TLR6: variants seen among roughly 807,000 people sequenced by gnomAD.
The protein encoded by TLR6 is toll-like receptor 6.
TLR6 carries 9 observed loss-of-function variants against 16.1 expected under a neutral mutation model. The ratio of observed to expected loss-of-function variants is 0.56; its 90% CI spans 0.34 to 0.98. The LOEUF is 0.98. Among genes scored for constraint, TLR6 ranks in the 50% least tolerant of loss-of-function variants. The pLI is 0.02. For synonymous variants in TLR6, 340 were observed against 338.6 expected, an observed-to-expected ratio of 1.00 and a Z score of -0.04; for missense variants, 786 against 921.0, an observed-to-expected ratio of 0.85 and a Z score of 1.90.
intron 1 of TLR6, among the ~76,000 whole-genome samples, chr4:38,856,167 G>A (rs1033813914): frequency 1.3e-5 from 2 of 152,128 alleles, no homozygotes; most frequent in African/African-American, 4.8e-5. Flanking sequence ...GCTTGGTCCC[G>A]GCCACTTCCT....
chr4:38,846,229 T>C (rs150418638), intron 1 of TLR6, among the ~76,000 whole-genome samples: 1 of 152,106 alleles, frequency 6.6e-6, no homozygotes, highest in East Asian at 1.9e-4. Context: ...TCAAGAAGCA[T>C]GATACTGCAG....
chr4:38,863,220 T>C, the TLR6 span, among the ~76,000 whole-genome samples: 1 of 152,196 alleles, frequency 6.6e-6, no homozygotes, highest in East Asian at 1.9e-4. Context: ...CCTGAAATGT[T>C]TTCTTGCCTG....
chr4:38,850,555 C>T (rs1264186576), intron 1 of TLR6, among the ~76,000 whole-genome samples: 1 of 152,190 alleles, frequency 6.6e-6, no homozygotes, highest in African/African-American at 2.4e-5. Flanking sequence ...GATATCACCA[C>T]TGATCCCACA....
chr4:38,825,775 C>A (rs1727515865), exon 2 of TLR6: 1 of 152,190 alleles, frequency 6.6e-6, no homozygotes, highest in African/African-American at 2.4e-5. Flanking sequence ...CCCAGCTACT[C>A]TTCCATAGTC....
chr4:38,832,179 G>A (rs557495909), intron 1 of TLR6, among the ~76,000 whole-genome samples: 15 of 152,212 alleles, frequency 9.9e-5, no homozygotes, highest in Admixed American at 3.9e-4. Flanking sequence ...AAAATGAGCC[G>A]GAGAAGCATT....
At chr4:38,868,052 C>A in the TLR6 span, 1 of 423,572 alleles carries the variant, frequency 2.4e-6, no homozygotes. Flanking sequence ...TGGGTGCGGG[C>A]GTGTGAGTGT....
chr4:38,845,172 CTCTA>C (rs889746549), intron 1 of TLR6, among the ~76,000 whole-genome samples: 5 of 152,202 alleles, frequency 3.3e-5, no homozygotes, highest in Non-Finnish European at 5.9e-5. Context: ...TAAGTTATAT[CTCTA>C]TCTATCTATT....
At chr4:38,825,734 GT>G in exon 2 of TLR6, 1 of 152,312 alleles carries the variant, frequency 6.6e-6, no homozygotes, top group African/African-American at 2.4e-5. Context: ...AGGCTACCCT[GT>G]TGGCTGATAT....
chr4:38,843,058 C>T (rs1712356034), intron 1 of TLR6, among the ~76,000 whole-genome samples: 1 of 152,122 alleles, frequency 6.6e-6, no homozygotes. Flanking sequence ...CTAAAGCTGC[C>T]GTATGGAAGA....
chr4:38,860,778 T>C (rs1713177042), upstream of TLR6, among the ~76,000 whole-genome samples: 1 of 151,990 alleles, frequency 6.6e-6, no homozygotes, highest in Admixed American at 6.5e-5. Flanking sequence ...AAAATACAAA[T>C]TAACACAACC....
At chr4:38,827,613 A>G (rs1488763171) in exon 2 of TLR6, 1 of 1,614,096 alleles carries the variant, frequency 6.2e-7, no homozygotes, top group African/African-American at 1.3e-5. Context: ...GTCTGGGTCC[A>G]CTGGCACACC....
At chr4:38,866,480 A>G in the TLR6 span, among the ~76,000 whole-genome samples, 280 of 151,988 alleles carry the variant, frequency 1.8e-3, 1 homozygote, top group African/African-American at 6.2e-3. Flanking sequence ...ACGACAGAGC[A>G]AGACTCCATC....
At chr4:38,827,065 T>G in exon 2 of TLR6, 1 of 1,535,802 alleles carries the variant, frequency 6.5e-7, no homozygotes, top group South Asian at 1.3e-5. Flanking sequence ...TTTCTTAAGT[T>G]GAATTTCCTA....
intron 1 of TLR6, among the ~76,000 whole-genome samples, chr4:38,851,764 T>A (rs148580830): frequency 0.02 from 3,086 of 152,242 alleles, 49 homozygotes; most frequent in Non-Finnish European, 0.026. Context: ...TCCATGCTCA[T>A]GGATAGGAAG....
chr4:38,867,369 G>A, the TLR6 span, among the ~76,000 whole-genome samples: 5 of 152,298 alleles, frequency 3.3e-5, no homozygotes, highest in South Asian at 4.2e-4. Context: ...GTGGGTTTTC[G>A]TTGTTTGTTT....
the TLR6 span, among the ~76,000 whole-genome samples, chr4:38,862,781 G>C: frequency 1.3e-5 from 2 of 151,040 alleles, no homozygotes; most frequent in Non-Finnish European, 2.9e-5. Flanking sequence ...ATTTTTAGTA[G>C]AGACAGGGTT....
intron 1 of TLR6, among the ~76,000 whole-genome samples, chr4:38,842,383 T>C (rs1712312932): frequency 6.6e-6 from 1 of 152,146 alleles, no homozygotes; most frequent in Non-Finnish European, 1.5e-5. Context: ...AGAAATGATA[T>C]CACCATTCAT....
the TLR6 span, among the ~76,000 whole-genome samples, chr4:38,865,436 T>C: frequency 6.6e-6 from 1 of 152,190 alleles, no homozygotes; most frequent in Non-Finnish European, 1.5e-5. Context: ...TTATTTTCTT[T>C]ATTGGATAGG....
intron 1 of TLR6, among the ~76,000 whole-genome samples, chr4:38,852,513 T>C (rs894469545): frequency 5.3e-5 from 8 of 151,986 alleles, no homozygotes; most frequent in Admixed American, 4.6e-4. Context: ...GAATCTACAA[T>C]GAACTCAAAC....
Sources: allele counts gnomAD v4.1 joint callset (sites outside exome capture counted in the v4.1 genomes callset), GRCh38; gene constraint gnomAD v4.1.1; transcripts MANE v1.5; gene names NCBI Gene and HGNC (gene_info 2026-07-23, HGNC 2026-07-21).